The following CRTAC1 variants were observed in gnomAD, a reference collection of about 807,000 sequenced individuals.
CRTAC1 encodes cartilage acidic protein 1.
In CRTAC1, 37 loss-of-function variants were observed where a neutral mutation model predicts 67.8. The ratio of observed to expected loss-of-function variants is 0.55; its 90% CI spans 0.42 to 0.72. The LOEUF is 0.72. Among genes scored for constraint, CRTAC1 ranks in the 30% least tolerant of loss-of-function variants. The pLI is 0.00. For missense variants in CRTAC1, 780 were observed against 931.6 expected, an observed-to-expected ratio of 0.84 and a Z score of 2.12; for synonymous variants, 348 against 371.0, an observed-to-expected ratio of 0.94 and a Z score of 0.71.
chr10:97,966,647 T>C, intron 2 of CRTAC1, among the ~76,000 whole-genome samples: 1 of 152,220 alleles, frequency 6.6e-6, no homozygotes, highest in African/African-American at 2.4e-5. Flanking sequence ...CCCTTTTCTG[T>C]TCCAGGATCC....
At chr10:97,891,163 A>G (rs2050366975) in intron 11 of CRTAC1, among the ~76,000 whole-genome samples, 1 of 152,256 alleles carries the variant, frequency 6.6e-6, no homozygotes, top group African/African-American at 2.4e-5. Flanking sequence ...TATTGAGGGA[A>G]GGTGAAGGAA....
In CRTAC1 at chr10:98,012,895, A is replaced by G. The variant is rs140522338; in HGVS notation, c.25-1558T>C. On this transcript the variant is annotated intron_variant, in intron 1 of 14. Coordinates refer to ENST00000370597, the MANE Select transcript of CRTAC1 (RefSeq NM_018058.7). The stretch of plus-strand genomic sequence containing the variant: ...TCCAAATTACAGAGATGTCTGAATG[A>G]GACAGCATCTTCTACTGGGTTTTCT... Among the ~76,000 whole-genome samples, 1,270 of 152,292 alleles carry G rather than the reference A, an allele frequency of 8.3e-3. 26 individuals carry two copies. The highest frequency in any genetic ancestry group is 0.026 in the African/African-American group (1,096 of 41,538).
Position 97,884,333 on chromosome 10 carries a change from C to T in CRTAC1, c.1505G>A (p.Ser502Asn). Residue 502 changes from serine (S) to asparagine (N), a missense_variant, in exon 12 of 15, where the codon AGT (serine) becomes AAT (asparagine). Transcript: ENST00000370597. ...HFGLGKDEAS[S>N]VEVTWPDGKM... The stretch of plus-strand genomic sequence containing the variant: ...GCCATCTGGCCACGTCACCTCCACA[C>T]TGCTGGCTTCATCCTTCCCTGAGGG... 6.4e-7 allele frequency: 1 copy of T among 1,551,692 alleles called. No individual in the cohort carries two copies. The highest frequency in any genetic ancestry group is 8.7e-7 in the Non-Finnish European group (1 of 1,147,288).
intron 2 of CRTAC1, among the ~76,000 whole-genome samples, chr10:97,974,903 G>A (rs557477533): frequency 6.6e-6 from 1 of 152,172 alleles, no homozygotes; most frequent in Non-Finnish European, 1.5e-5. Flanking sequence ...CAGCTGCCTC[G>A]GCGCAGACAG....
chr10:98,030,319 T>C lies in CRTAC1; in HGVS notation c.24+130A>G. On this transcript the variant is annotated intron_variant, in intron 1 of 14. Transcript: ENST00000370597. This position sits in a 1 kb window ranked among gnomAD's most constrained non-coding sequence, Gnocchi z 4.2. ...GCAAGTTAGGAGCGAAGCCGCCGCC[T>C]TCGCGATCCCAGTCTTCCCGGGTTC... 1 of 554,984 alleles carries C rather than the reference T, an allele frequency of 1.8e-6. No individual in the cohort carries two copies. The highest frequency in any genetic ancestry group is 2.8e-6 in the Non-Finnish European group (1 of 359,978). The allele number at this position is 554,984 out of a possible 1,614,324, so 34.4% of individuals were successfully genotyped here.
intron 5 of CRTAC1, among the ~76,000 whole-genome samples, chr10:97,916,241 A>C (rs1025011292): frequency 6.6e-6 from 1 of 151,864 alleles, no homozygotes; most frequent in Non-Finnish European, 1.5e-5. Flanking sequence ...TGCAGAAAAA[A>C]TTGACTGTAC....
intron 12 of CRTAC1, among the ~76,000 whole-genome samples, chr10:97,883,290 G>A (rs1012452514): frequency 2.6e-5 from 4 of 152,196 alleles, no homozygotes. Context: ...GCTGATGGGT[G>A]GACATCCTAG....
In CRTAC1 at chr10:97,865,677, G is replaced by A; in HGVS notation, c.1857C>T (p.Thr619=). The change falls in exon 15 of 15, where the codon ACC becomes ACT. Residue 619 remains threonine, a synonymous_variant. Transcript: ENST00000370597. The stretch of plus-strand genomic sequence containing the variant: ...CGGCAGTGGCAGCAGCAGCGGTGGG[G>A]GTGGTGGGGCGGGGGCCCGGTGACT... ...LGQSPGPRPT[T]PTAAAATAAA... is the part of the protein sequence containing the mutation. 6.2e-7 allele frequency: 1 copy of A among 1,608,772 alleles called. No homozygotes were observed. Among genetic ancestry groups the A allele is most frequent in the Non-Finnish European group, 8.5e-7 (1 of 1,177,628 alleles).
chr10:97,983,088 A>G (rs1233736992), intron 2 of CRTAC1, among the ~76,000 whole-genome samples: 1 of 152,246 alleles, frequency 6.6e-6, no homozygotes, highest in African/African-American at 2.4e-5. Context: ...ACAATATTTT[A>G]GAGAATAAGC....
intron 3 of CRTAC1, among the ~76,000 whole-genome samples, chr10:97,931,185 T>A (rs937613476): frequency 1.3e-5 from 2 of 152,140 alleles, no homozygotes; most frequent in Non-Finnish European, 2.9e-5. Context: ...ACTGTAAAAA[T>A]AGATGAAATA....
intron 3 of CRTAC1, among the ~76,000 whole-genome samples, chr10:97,927,000 TG>T (rs1250524533): frequency 6.6e-6 from 1 of 152,198 alleles, no homozygotes; most frequent in Non-Finnish European, 1.5e-5. Flanking sequence ...CTGAGATGCC[TG>T]GGTCACACTC....
chr10:97,975,690 C>CG lies in CRTAC1; in HGVS notation c.224+35447dup, dbSNP rs536267870. On this transcript the variant is annotated intron_variant, in intron 2 of 14. Transcript: ENST00000370597. The surrounding 1 kb of genome is among the most constrained non-coding windows in gnomAD (Gnocchi z 4.8). ...TCCTCCAAGCCTGCACAGCCTCACACGGGGGTAGGGCTGGGGGAGACGAGG... is the reference window on the plus strand; with the variant it reads ...TCCTCCAAGCCTGCACAGCCTCACACGGGGGGTAGGGCTGGGGGAGACGAGG... Among the ~76,000 whole-genome samples, 641 of 152,318 alleles carry CG rather than the reference C, an allele frequency of 4.2e-3. 2 individuals carry two copies. The highest frequency in any genetic ancestry group is 0.014 in the African/African-American group (563 of 41,574).
rs763042389 is a variant in CRTAC1, at chr10:97,917,616, T to C, written c.599A>G (p.Tyr200Cys). ...RYSIYIANYAYGNVGPDALIE... is the reference protein window; with the variant it reads ...RYSIYIANYACGNVGPDALIE... ...GAGGGCATCAGGGCCCACATTACCG[T>C]AGGCGTAATTGGCAATGTAGATAGA... Residue 200 changes from tyrosine (Y) to cysteine (C), a missense_variant, in exon 5 of 15, where the codon TAC (tyrosine) becomes TGC (cysteine). Coordinates refer to ENST00000370597, the MANE Select transcript of CRTAC1 (RefSeq NM_018058.7). 4 of 1,598,088 alleles carry C rather than the reference T, an allele frequency of 2.5e-6. No individual in the cohort carries two copies. Among genetic ancestry groups the C allele is most frequent in the Admixed American group, 1.7e-5 (1 of 58,862 alleles).
intron 2 of CRTAC1, among the ~76,000 whole-genome samples, chr10:98,003,806 C>T (rs755090461): frequency 4.0e-4 from 61 of 152,080 alleles, no homozygotes; most frequent in Non-Finnish European, 8.1e-4. Flanking sequence ...TGTCTGTCTG[C>T]CTGTCTGTCT....
intron 6 of CRTAC1, among the ~76,000 whole-genome samples, chr10:97,906,460 TCTGA>T (rs1407818620): frequency 2.0e-5 from 3 of 152,224 alleles, no homozygotes. Flanking sequence ...CTGCAATCAT[TCTGA>T]CTTTCAATTA....
chr10:97,985,659 A>G (rs2051968792), intron 2 of CRTAC1, among the ~76,000 whole-genome samples: 1 of 152,156 alleles, frequency 6.6e-6, no homozygotes, highest in African/African-American at 2.4e-5. Context: ...GCCTCTGCAA[A>G]GTGCCGAGGC....
chr10:97,966,560 T>A (rs914142861), intron 2 of CRTAC1, among the ~76,000 whole-genome samples: 152 of 152,340 alleles, frequency 1.0e-3, no homozygotes, highest in African/African-American at 3.5e-3. Flanking sequence ...GGGTCACAAT[T>A]ACTGAACCAG....
At position 97,932,984 on chromosome 10, in the gene CRTAC1, A is replaced by G. The variant is rs2051024205; in HGVS notation, c.421+3186T>C. Among the ~76,000 whole-genome samples the G allele has an allele frequency of 2.6e-5, 4 of 152,336 alleles. No homozygotes were observed. In the South Asian group the frequency reaches 8.3e-4, roughly 32 times the overall value. ...CAGGAACTCCAACGCTAGCATCCCA[A>G]AGGCTGGCCAAGGGAGGAGAGTGGG... On this transcript the variant is annotated intron_variant, in intron 3 of 14. Coordinates refer to ENST00000370597, the MANE Select transcript of CRTAC1 (RefSeq NM_018058.7).
chr10:97,931,519 C>T lies in CRTAC1; in HGVS notation c.421+4651G>A, dbSNP rs115393034. On this transcript the variant is annotated intron_variant, in intron 3 of 14. Coordinates refer to ENST00000370597, the MANE Select transcript of CRTAC1 (RefSeq NM_018058.7). ...ACCATAAAATGAATGAGAAAGCTCT[C>T]TGTGTACTGCCATGAAATCAAATCC... Among the ~76,000 whole-genome samples the T allele has an allele frequency of 5.9e-3, 891 of 152,306 alleles. 12 individuals are homozygous for T. The highest frequency in any genetic ancestry group is 0.02 in the African/African-American group (832 of 41,556).
Sources: allele counts gnomAD v4.1 joint callset (sites outside exome capture counted in the v4.1 genomes callset), GRCh38; gene constraint gnomAD v4.1.1; non-coding constraint Gnocchi (gnomAD v3.1); transcripts MANE v1.5; gene names NCBI Gene and HGNC (gene_info 2026-07-23, HGNC 2026-07-21).